The following RFK variants were observed in gnomAD, a reference collection of about 807,000 sequenced individuals.
RFK encodes the protein riboflavin kinase, also known as 0610038L10Rik.
In RFK, 4 loss-of-function variants were observed where a neutral mutation model predicts 17.6. The observed-to-expected ratio is 0.23, with a 90% CI of 0.11 to 0.52. The LOEUF (loss-of-function observed/expected upper bound fraction) is 0.52, where lower values mean the gene tolerates loss of function less well. Ranked by LOEUF, RFK falls within the 20% of genes least tolerant of loss-of-function variation. RFK has a pLI of 0.96. For missense variants in RFK, 189 were observed against 187.7 expected (o/e 1.01, Z -0.04); for synonymous variants, 59 against 63.8 (o/e 0.92, Z 0.36).
chr9:76,391,765 A>C (rs1232910978), intron 2 of RFK, among the ~76,000 whole-genome samples: 1 of 152,212 alleles, frequency 6.6e-6, no homozygotes, highest in African/African-American at 2.4e-5. Flanking sequence ...ACAATGTATA[A>C]GGATGTAATC....
At chr9:76,389,481 T>C (rs1290990815) in intron 2 of RFK, among the ~76,000 whole-genome samples, 1 of 152,150 alleles carries the variant, frequency 6.6e-6, no homozygotes. Context: ...TAAGACTGGT[T>C]GGGTGCAGTA....
chr9:76,392,916 A>C (rs1822836103), intron 1 of RFK, among the ~76,000 whole-genome samples: 1 of 152,220 alleles, frequency 6.6e-6, no homozygotes, highest in Non-Finnish European at 1.5e-5. Flanking sequence ...AATAATAATA[A>C]GAAACAAACA....
Position 76,394,367 on chromosome 9 carries a change from C to T in RFK, c.-196G>A. 4 of 504,792 alleles carry T rather than the reference C, an allele frequency of 7.9e-6. No individual in the cohort carries two copies. Among genetic ancestry groups the T allele is most frequent in the Non-Finnish European group, 1.0e-5 (3 of 290,124 alleles). 31.3% of individuals were successfully genotyped at this position (504,792 alleles called of 1,614,324 possible). A position where few individuals can be genotyped will look rare whatever the true frequency, so the allele number is the denominator to read the frequency against. Reference sequence around the variant, plus strand: ...CTGACGCCGCCGACCCAACAAATACCGCCGGGCGCCTGAGGAGCTGCGTCT... The same window carrying T: ...CTGACGCCGCCGACCCAACAAATACTGCCGGGCGCCTGAGGAGCTGCGTCT... On this transcript the variant is annotated 5_prime_UTR_variant, in exon 1 of 4. Transcript: ENST00000376736.
chr9:76,393,567 T>TC (rs1224732702), intron 1 of RFK: 1 of 152,728 alleles, frequency 6.5e-6, no homozygotes, highest in Non-Finnish European at 1.5e-5. Context: ...AAGACGCAGC[T>TC]CTGGCATGTA....
intron 2 of RFK, among the ~76,000 whole-genome samples, chr9:76,390,726 C>CCACA (rs36105508): frequency 0.01 from 1,302 of 125,582 alleles, 19 homozygotes; most frequent in African/African-American, 0.033. Flanking sequence ...AAAAAAAAAA[C>CCACA]CACACACACA....
chr9:76,392,807 A>T (rs1298474509), intron 1 of RFK, among the ~76,000 whole-genome samples: 1 of 152,198 alleles, frequency 6.6e-6, no homozygotes, highest in Non-Finnish European at 1.5e-5. Context: ...AGGCTGAGGC[A>T]GGAGGGTCAG....
chr9:76,387,524 G>C lies in RFK; in HGVS notation c.343C>G (p.Leu115Val). The C allele has an allele frequency of 6.2e-7, 1 of 1,609,878 alleles. No homozygotes were observed. Among genetic ancestry groups the C allele is most frequent in the Non-Finnish European group, 8.5e-7 (1 of 1,179,270 alleles). ...PEKNFDSLES[L>V]ISAIQGDIEE... is the part of the protein sequence containing the mutation. ...ATATCACCTTGAATTGCTGAAATAA[G>C]TGACTCTGCAGAGAGAATATACCAG... is the stretch of plus-strand genomic sequence containing the variant. Residue 115 changes from leucine to valine, a missense_variant, in exon 4 of 4, where the codon CTT (leucine) becomes GTT (valine). Coordinates refer to ENST00000376736, the MANE Select transcript of RFK (RefSeq NM_018339.6).
chr9:76,394,026 G>A lies in RFK; in HGVS notation c.82+64C>T. The stretch of plus-strand genomic sequence containing the variant: ...CCCACGCCCCGGTCCCAAGTCCCCG[G>A]CTGCCGTCTCTCCCCGCTCCCCACG... On this transcript the variant is annotated intron_variant, in intron 1 of 3. Transcript: ENST00000376736. The A allele has an allele frequency of 1.1e-5, 16 of 1,482,356 alleles. No individual in the cohort carries two copies. In the South Asian group the frequency reaches 2.0e-4, roughly 18 times the overall value. The allele number at this position is 1,482,356 out of a possible 1,614,324, so 91.8% of individuals were successfully genotyped here.
intron 2 of RFK, among the ~76,000 whole-genome samples, chr9:76,390,338 T>G (rs984759300): frequency 1.3e-5 from 2 of 151,526 alleles, no homozygotes; most frequent in African/African-American, 2.4e-5. Context: ...GCACTAACTA[T>G]AAAAAAAATA....
chr9:76,393,659 AC>A, intron 1 of RFK: 1 of 176,184 alleles, frequency 5.7e-6, no homozygotes, highest in Non-Finnish European at 1.2e-5. Flanking sequence ...CTCTCATTCA[AC>A]TACCTATGTT....
intron 1 of RFK, 87 bp downstream of exon 1, chr9:76,394,003 C>A: frequency 1.5e-6 from 2 of 1,319,526 alleles, no homozygotes; most frequent in Admixed American, 4.3e-5. Context: ...CCGGAGGCCC[C>A]ACGCCCCGGT....
intron 3 of RFK, 114 bp from the exon 4 acceptor site, chr9:76,387,643 G>A: frequency 1.1e-6 from 1 of 915,398 alleles, no homozygotes; most frequent in Non-Finnish European, 1.6e-6. Context: ...TCTGCACAGG[G>A]TAGATACCCA....
chr9:76,392,386 T>C, intron 2 of RFK, 32 bp downstream of exon 2: 1 of 1,609,646 alleles, frequency 6.2e-7, no homozygotes, highest in African/African-American at 1.3e-5. Flanking sequence ...CATCATACCA[T>C]TTTCGGTTAC....
intron 2 of RFK, among the ~76,000 whole-genome samples, chr9:76,391,470 C>T (rs1332930766): frequency 6.6e-6 from 1 of 152,194 alleles, no homozygotes; most frequent in Non-Finnish European, 1.5e-5. Context: ...AAGCACCATC[C>T]TCCATCCACC....
At chr9:76,392,931 T>A (rs553490504) in intron 1 of RFK, among the ~76,000 whole-genome samples, 1 of 152,240 alleles carries the variant, frequency 6.6e-6, no homozygotes, top group Non-Finnish European at 1.5e-5. Flanking sequence ...CAAACATTTG[T>A]AAAAATCACA....
chr9:76,387,325 C>T lies in RFK; in HGVS notation c.*74G>A. The T allele has an allele frequency of 7.2e-7, 1 of 1,386,516 alleles. No homozygotes were observed. 85.9% of individuals were successfully genotyped at this position (1,386,516 alleles called of 1,614,324 possible). A position where few individuals can be genotyped will look rare whatever the true frequency, so the allele number is the denominator to read the frequency against. Reference sequence around the variant, plus strand: ...AAAGTGTTTGATTTTCAGTATATAACCAAGATGATGCTGAACAGTAATAAA... The same window carrying T: ...AAAGTGTTTGATTTTCAGTATATAATCAAGATGATGCTGAACAGTAATAAA... On this transcript the variant is annotated 3_prime_UTR_variant, in exon 4 of 4. Transcript: ENST00000376736.
chr9:76,394,148 G>A lies in RFK; in HGVS notation c.24C>T (p.Cys8=), dbSNP rs755185531. MRHLPYF[C]RGQVVRGFGR... The stretch of plus-strand genomic sequence containing the variant: ...CGAAGCCCCGCACCACTTGACCCCG[G>A]CAGAAGTAAGGCAGGTGCCTCATAA... The change falls in exon 1 of 4, where the codon TGC becomes TGT. Residue 8 remains cysteine (C), a synonymous_variant. Coordinates refer to ENST00000376736, the MANE Select transcript of RFK (RefSeq NM_018339.6). The A allele has an allele frequency of 6.2e-7, 1 of 1,608,848 alleles. No individual in the cohort carries two copies. Among genetic ancestry groups the A allele is most frequent in the Non-Finnish European group, 8.5e-7 (1 of 1,178,528 alleles).
Position 76,394,085 on chromosome 9 carries a change from C to G in RFK, c.82+5G>C. On this transcript the variant is annotated splice_donor_5th_base_variant and intron_variant, in intron 1 of 3. Coordinates refer to ENST00000376736, the MANE Select transcript of RFK (RefSeq NM_018339.6). ...CCCGGGGGACTCTGGCCGCCCTGCT[C>G]TCACCTGTGGGGATGCCCAGCTGCT... is the stretch of plus-strand genomic sequence containing the variant. The G allele has an allele frequency of 6.2e-7, 1 of 1,600,304 alleles. No individual in the cohort carries two copies. The highest frequency in any genetic ancestry group is 8.5e-7 in the Non-Finnish European group (1 of 1,175,140).
At chr9:76,393,875 C>T in intron 1 of RFK, 1 of 553,618 alleles carries the variant, frequency 1.8e-6, no homozygotes, top group South Asian at 2.3e-5. Flanking sequence ...ACCCCTCAAC[C>T]CCGTCCCCGC....
Sources: allele counts gnomAD v4.1 joint callset (sites outside exome capture counted in the v4.1 genomes callset), GRCh38; gene constraint gnomAD v4.1.1; transcripts MANE v1.5; gene names NCBI Gene and HGNC (gene_info 2026-07-23, HGNC 2026-07-21).